The following RFFL variants were observed in gnomAD, a reference collection of about 807,000 sequenced individuals.
The protein encoded by RFFL is E3 ubiquitin-protein ligase rififylin.
Under a neutral mutation model 40.4 loss-of-function variants are expected in RFFL, and 16 were observed. The observed-to-expected ratio is 0.40, with a 90% CI of 0.27 to 0.60. The LOEUF (loss-of-function observed/expected upper bound fraction) is 0.60, where lower values mean the gene tolerates loss of function less well. Among genes scored for constraint, RFFL ranks in the 20% least tolerant of loss-of-function variants. The pLI is 0.47. For synonymous variants in RFFL, 154 were observed against 167.9 expected, an observed-to-expected ratio of 0.92 and a Z score of 0.64; for missense variants, 367 against 451.7, an observed-to-expected ratio of 0.81 and a Z score of 1.70.
At chr17:35,086,395 G>C (rs973240052) in intron 1 of RFFL, among the ~76,000 whole-genome samples, 1 of 151,680 alleles carries the variant, frequency 6.6e-6, no homozygotes, top group African/African-American at 2.4e-5. Flanking sequence ...CGAGGATTGC[G>C]TGAGCCCAGG....
intron 1 of RFFL, among the ~76,000 whole-genome samples, chr17:35,075,986 CTTTTTT>C (rs35996071): frequency 1.2e-5 from 1 of 80,030 alleles, no homozygotes; most frequent in African/African-American, 5.5e-5. Flanking sequence ...TCAATTTATT[CTTTTTT>C]TTTTTTTTTT....
chr17:35,075,235 T>C (rs2091370095), intron 1 of RFFL, among the ~76,000 whole-genome samples: 1 of 152,246 alleles, frequency 6.6e-6, no homozygotes, highest in African/African-American at 2.4e-5. Flanking sequence ...AGGGGGCTGC[T>C]ACAACATTTC....
upstream of RFFL, among the ~76,000 whole-genome samples, chr17:35,064,484 G>A (rs2091310467): frequency 6.6e-6 from 1 of 151,358 alleles, no homozygotes; most frequent in African/African-American, 2.4e-5. Context: ...TAGAATGACT[G>A]GCTCATCAAC....
chr17:35,033,828 G>A lies in RFFL; in HGVS notation c.-8-7267C>T, dbSNP rs143502909. ...TCATGATCAACCTGAGCAACACACT[G>A]AGACTCCATCTCTATAAAAAATAAT... On this transcript the variant is annotated intron_variant, in intron 1 of 6. Coordinates refer to ENST00000394597, the MANE Select transcript of RFFL (RefSeq NM_001017368.2). 8.2e-4 allele frequency among the ~76,000 whole-genome samples: 125 copies of A among 151,846 alleles called. No individual in the cohort carries two copies. In the Middle Eastern group the frequency reaches 0.017, roughly 21 times the overall value.
At chr17:35,035,304 G>C (rs1463220412) in intron 1 of RFFL, among the ~76,000 whole-genome samples, 1 of 151,906 alleles carries the variant, frequency 6.6e-6, no homozygotes, top group Non-Finnish European at 1.5e-5. Context: ...AGCTACTCAG[G>C]AGGCTGAGGC....
At position 35,009,296 on chromosome 17, in the gene RFFL, C is replaced by T. The variant is rs1269705695; in HGVS notation, c.*2672G>A. The T allele has an allele frequency of 6.6e-6, 1 of 152,394 alleles. No homozygotes were observed. The highest frequency in any genetic ancestry group is 1.9e-4 in the East Asian group (1 of 5,198). The allele number at this position is 152,394 out of a possible 1,614,324, so 9.4% of individuals were successfully genotyped here. A position where few individuals can be genotyped will look rare whatever the true frequency, so the allele number is the denominator to read the frequency against. On this transcript the variant is annotated 3_prime_UTR_variant, in exon 7 of 7. Coordinates refer to ENST00000394597, the MANE Select transcript of RFFL (RefSeq NM_001017368.2). ...TACAATGTATATTGAGCACTAGTTC[C>T]TGTACAGCTTATTCTTATTAGTTTG...
Position 35,056,196 on chromosome 17 carries a change from T to C in RFFL, c.-9+7380A>G, listed in dbSNP as rs187405148. Among the ~76,000 whole-genome samples the C allele has an allele frequency of 5.9e-5, 9 of 152,120 alleles. No homozygotes were observed. In the East Asian group the frequency reaches 1.5e-3, roughly 26 times the overall value. ...ACTTGAATTCCCCTTACAGACTCCT[T>C]CTCCCACACTGGCTCCCACTGCAAG... On this transcript the variant is annotated intron_variant, in intron 1 of 6. Transcript: ENST00000394597.
At chr17:35,087,368 T>C (rs1368087891) in intron 1 of RFFL, among the ~76,000 whole-genome samples, 3 of 151,806 alleles carry the variant, frequency 2.0e-5, no homozygotes, top group Non-Finnish European at 1.5e-5. Flanking sequence ...AAAAAAGGTG[T>C]TCCTATTAGA....
In RFFL at chr17:35,045,313, A is replaced by C. The variant is rs555580896; in HGVS notation, c.-9+18263T>G. ...AGTAGCATGATCTCAGATCACTGCAACCTCCACCTCCCAGGTTCAAGCAAT... is the reference window on the plus strand; with the variant it reads ...AGTAGCATGATCTCAGATCACTGCACCCTCCACCTCCCAGGTTCAAGCAAT... On this transcript the variant is annotated intron_variant, in intron 1 of 6. Transcript: ENST00000394597. 3.8e-3 allele frequency among the ~76,000 whole-genome samples: 576 copies of C among 151,500 alleles called. 2 individuals carry two copies. Among genetic ancestry groups the C allele is most frequent in the African/African-American group, 0.013 (524 of 41,232 alleles).
chr17:35,014,776 GAGA>G lies in RFFL; in HGVS notation c.887-16_887-14del. On this transcript the variant is annotated splice_polypyrimidine_tract_variant and intron_variant, in intron 5 of 6. Coordinates refer to ENST00000394597, the MANE Select transcript of RFFL (RefSeq NM_001017368.2). ...TCGGCACCACTGACTGAAAAGGAAA[GAGA>G]AGGATGTCTGAATAGGTAAGGCATG... 1 of 1,612,686 alleles carries G rather than the reference GAGA, an allele frequency of 6.2e-7. No homozygotes were observed. The highest frequency in any genetic ancestry group is 8.5e-7 in the Non-Finnish European group (1 of 1,178,706).
chr17:35,082,990 A>T (rs1260802534), intron 1 of RFFL, among the ~76,000 whole-genome samples: 1 of 152,234 alleles, frequency 6.6e-6, no homozygotes, highest in Non-Finnish European at 1.5e-5. Flanking sequence ...ATATTTCAGC[A>T]ATTATTCTTC....
chr17:35,078,164 T>C (rs1435724576), intron 1 of RFFL, among the ~76,000 whole-genome samples: 1 of 152,190 alleles, frequency 6.6e-6, no homozygotes, highest in Admixed American at 6.5e-5. Context: ...TCTTTATTTT[T>C]TACAAGCACC....
intron 3 of RFFL, chr17:35,018,727 A>G (rs1295782022): frequency 6.6e-6 from 1 of 152,272 alleles, no homozygotes; most frequent in African/African-American, 2.4e-5. Flanking sequence ...TCAAGGCAAG[A>G]TCAAATGCAT....
intron 1 of RFFL, among the ~76,000 whole-genome samples, chr17:35,039,835 G>T (rs2091151407): frequency 6.6e-6 from 1 of 151,862 alleles, no homozygotes; most frequent in Non-Finnish European, 1.5e-5. Flanking sequence ...ACAACTCCAT[G>T]CCCAGCTAAT....
intron 5 of RFFL, among the ~76,000 whole-genome samples, chr17:35,015,602 G>C (rs1055668414): frequency 2.0e-5 from 3 of 152,206 alleles, no homozygotes; most frequent in Admixed American, 2.0e-4. Context: ...TGGTAGAAGA[G>C]AGCCTGAAAC....
At position 35,016,363 on chromosome 17, in the gene RFFL, C is replaced by T. The variant is rs1354121316; in HGVS notation, c.886+7G>A. 7 of 1,612,966 alleles carry T rather than the reference C, an allele frequency of 4.3e-6. No homozygotes were observed. Among genetic ancestry groups the T allele is most frequent in the Admixed American group, 1.7e-5 (1 of 59,984 alleles). On this transcript the variant is annotated splice_region_variant and intron_variant, in intron 5 of 6. Transcript: ENST00000394597. Reference sequence around the variant, plus strand: ...TCTGTAAAGCTACCATGCAGATAGCCCCTCACCCAGGTGCTGGAGTCCTTT... The same window carrying T: ...TCTGTAAAGCTACCATGCAGATAGCTCCTCACCCAGGTGCTGGAGTCCTTT...
At chr17:35,043,786 C>T (rs2091180939) in intron 1 of RFFL, among the ~76,000 whole-genome samples, 1 of 152,082 alleles carries the variant, frequency 6.6e-6, no homozygotes, top group South Asian at 2.1e-4. Flanking sequence ...ACACAATAAT[C>T]CTACAAAAAT....
At chr17:35,078,031 T>C (rs76298345) in intron 1 of RFFL, among the ~76,000 whole-genome samples, 2 of 152,202 alleles carry the variant, frequency 1.3e-5, no homozygotes, top group East Asian at 3.8e-4. Context: ...TCTTTTTTTT[T>C]ATGTGTGGTT....
upstream of RFFL, chr17:35,063,717 C>A (rs1456219859): frequency 6.6e-6 from 1 of 152,078 alleles, no homozygotes. Flanking sequence ...TGAATGGTGC[C>A]GCCTGGGGAT....
Sources: allele counts gnomAD v4.1 joint callset (sites outside exome capture counted in the v4.1 genomes callset), GRCh38; gene constraint gnomAD v4.1.1; transcripts MANE v1.5; gene names NCBI Gene and HGNC (gene_info 2026-07-23, HGNC 2026-07-21).